ANO6: variants seen among roughly 807,000 people sequenced by gnomAD.
ANO6 encodes the protein anoctamin 6, also known as anoctamin-6.
ANO6 carries 106 observed loss-of-function variants against 117.5 expected under a neutral mutation model. That is an observed-to-expected ratio of 0.90 (90% CI 0.77 to 1.06). The LOEUF is 1.06. ANO6 is among the 50% of genes least tolerant of loss of function. The pLI is 0.00. For synonymous variants in ANO6, 367 were observed against 385.1 expected (o/e 0.95, Z 0.55); for missense variants, 955 against 1,121.1 (o/e 0.85, Z 2.12).
chr12:45,306,862 G>A (rs1939687641), intron 2 of ANO6, among the ~76,000 whole-genome samples: 1 of 151,938 alleles, frequency 6.6e-6, no homozygotes, highest in South Asian at 2.1e-4. Context: ...TTTTAAATAG[G>A]GTGTTTAGGG....
At chr12:45,222,178 G>GC (rs1222450464) in intron 1 of ANO6, among the ~76,000 whole-genome samples, 1 of 150,778 alleles carries the variant, frequency 6.6e-6, no homozygotes, top group Non-Finnish European at 1.5e-5. Flanking sequence ...ACCACGCCCG[G>GC]CCCCCCCACT....
chr12:45,307,990 A>G (rs1939723660), intron 2 of ANO6, among the ~76,000 whole-genome samples: 1 of 150,896 alleles, frequency 6.6e-6, no homozygotes, highest in Non-Finnish European at 1.5e-5. Flanking sequence ...AAGAAGAGGA[A>G]CTGGATACAG....
chr12:45,281,191 T>C (rs1394397140), intron 1 of ANO6, among the ~76,000 whole-genome samples: 1 of 152,186 alleles, frequency 6.6e-6, no homozygotes, highest in Non-Finnish European at 1.5e-5. Context: ...AAATATGTAT[T>C]AGGGTCAACT....
At chr12:45,386,540 A>G (rs1489651382) in intron 10 of ANO6, among the ~76,000 whole-genome samples, 6 of 152,254 alleles carry the variant, frequency 3.9e-5, no homozygotes, top group African/African-American at 1.2e-4. Flanking sequence ...CTGCCTTCTC[A>G]ACGTCCCTCA....
intron 12 of ANO6, among the ~76,000 whole-genome samples, chr12:45,392,961 G>A (rs539543353): frequency 6.6e-6 from 1 of 152,172 alleles, no homozygotes; most frequent in African/African-American, 2.4e-5. Context: ...ACAGCTCCTC[G>A]CCAGCAACGG....
rs1942891802 is a variant in ANO6 at position 45,404,851 on chromosome 12, C to G, written c.1880+1315C>G. 2.0e-5 allele frequency among the ~76,000 whole-genome samples: 3 copies of G among 152,240 alleles called. 1 individual carries two copies. In the South Asian group the frequency reaches 6.2e-4, roughly 32 times the overall value. On this transcript the variant is annotated intron_variant, in intron 15 of 19. Coordinates refer to ENST00000320560, the MANE Select transcript of ANO6 (RefSeq NM_001025356.3). The stretch of plus-strand genomic sequence containing the variant: ...CCATGTTGCCCTCTTGCCTCCATCA[C>G]ATACAACTTCTCTCTCCTTTCTTCT...
chr12:45,391,280 C>G (rs1187408683), intron 12 of ANO6, among the ~76,000 whole-genome samples: 1 of 152,048 alleles, frequency 6.6e-6, no homozygotes, highest in African/African-American at 2.4e-5. Context: ...AATATCAGTA[C>G]TTACTAAGTT....
intron 1 of ANO6, chr12:45,292,700 TGTA>T: frequency 7.6e-7 from 1 of 1,316,148 alleles, no homozygotes; most frequent in Non-Finnish European, 9.7e-7. Context: ...AGAGGAGGCT[TGTA>T]GGAATAGGGG....
chr12:45,284,497 C>T (rs545104388), intron 1 of ANO6, among the ~76,000 whole-genome samples: 1 of 152,290 alleles, frequency 6.6e-6, no homozygotes, highest in South Asian at 2.1e-4. Context: ...AAAACTTTTG[C>T]TTCTAAGGCT....
At chr12:45,245,656 C>T (rs1022356192) in intron 1 of ANO6, among the ~76,000 whole-genome samples, 1 of 151,956 alleles carries the variant, frequency 6.6e-6, no homozygotes, top group African/African-American at 2.4e-5. Context: ...GGTTGTACAA[C>T]CTTAACTGTT....
intron 16 of ANO6, among the ~76,000 whole-genome samples, chr12:45,410,284 A>G (rs180732951): frequency 5.3e-5 from 8 of 152,112 alleles, no homozygotes; most frequent in Admixed American, 5.2e-4. Context: ...TTGACAGCCT[A>G]TTTCTTCTGG....
At position 45,429,619 on chromosome 12, in the gene ANO6, T is replaced by C; in HGVS notation, c.*308T>C. 1 of 1,174,322 alleles carries C rather than the reference T, an allele frequency of 8.5e-7. No individual in the cohort carries two copies. Among genetic ancestry groups the C allele is most frequent in the Non-Finnish European group, 1.1e-6 (1 of 943,350 alleles). The allele number at this position is 1,174,322 out of a possible 1,614,324, so 72.7% of individuals were successfully genotyped here. A position where few individuals can be genotyped will look rare whatever the true frequency, so the allele number is the denominator to read the frequency against. ...ACCACCCCTTCTAAAGTAGAATGGA[T>C]TCTTTTTTTTCTGTTTGATTATTTT... On this transcript the variant is annotated 3_prime_UTR_variant, in exon 20 of 20. Coordinates refer to ENST00000320560, the MANE Select transcript of ANO6 (RefSeq NM_001025356.3).
At chr12:45,440,114 G>A in exon 20 of ANO6, 1 of 562,064 alleles carries the variant, frequency 1.8e-6, no homozygotes, top group Admixed American at 4.3e-5. Flanking sequence ...GCTTTTATAT[G>A]TATAGTTTTT....
intron 1 of ANO6, among the ~76,000 whole-genome samples, chr12:45,249,424 T>A (rs1166957430): frequency 6.6e-6 from 1 of 152,240 alleles, no homozygotes; most frequent in African/African-American, 2.4e-5. Flanking sequence ...ATATTAAATA[T>A]TCTGAAAGTT....
chr12:45,428,332 G>A (rs1160249132), intron 19 of ANO6, among the ~76,000 whole-genome samples: 1 of 152,170 alleles, frequency 6.6e-6, no homozygotes, highest in East Asian at 1.9e-4. Context: ...ACAAAAGGTG[G>A]CCTGGCGTGG....
chr12:45,422,014 A>T (rs1943378196), intron 18 of ANO6, among the ~76,000 whole-genome samples: 1 of 152,216 alleles, frequency 6.6e-6, no homozygotes, highest in Non-Finnish European at 1.5e-5. Flanking sequence ...CAACCAGGAA[A>T]CCAGAAATAA....
At chr12:45,218,738 G>C (rs1272670433) in intron 1 of ANO6, among the ~76,000 whole-genome samples, 1 of 152,122 alleles carries the variant, frequency 6.6e-6, no homozygotes, top group Non-Finnish European at 1.5e-5. Flanking sequence ...ATTTCCAACT[G>C]TGGGAGAGGA....
chr12:45,220,131 A>G (rs772408264), intron 1 of ANO6, among the ~76,000 whole-genome samples: 34 of 152,102 alleles, frequency 2.2e-4, no homozygotes, highest in East Asian at 5.8e-4. Flanking sequence ...TGTTTCTTCA[A>G]TTCTGTTCTC....
intron 10 of ANO6, among the ~76,000 whole-genome samples, chr12:45,384,298 C>T (rs375253347): frequency 4.6e-5 from 7 of 152,152 alleles, no homozygotes; most frequent in African/African-American, 1.7e-4. Flanking sequence ...AAACTTTCTC[C>T]GTATCAGCAA....
Sources: gnomAD v4.1 joint callset for allele counts (sites outside exome capture counted in the v4.1 genomes callset) on GRCh38, gnomAD v4.1.1 for gene constraint, MANE v1.5 for transcripts, NCBI Gene and HGNC (gene_info 2026-07-23, HGNC 2026-07-21) for gene names.